Variants in CDC42BPB observed in about 807,000 individuals in gnomAD.
CDC42BPB encodes the protein CDC42 binding protein kinase beta, also known as serine/threonine-protein kinase MRCK beta.
In CDC42BPB, 37 loss-of-function variants were observed where a neutral mutation model predicts 214.9. The ratio of observed to expected loss-of-function variants is 0.17; its 90% confidence interval spans 0.13 to 0.23. The LOEUF (loss-of-function observed/expected upper bound fraction) is 0.23. Ranked by LOEUF, CDC42BPB falls within the 10% of genes least tolerant of loss-of-function variation. The probability of loss-of-function intolerance (pLI) is 1.00; values close to 1 mark genes in which losing one functional copy is unlikely to be tolerated. For synonymous variants in CDC42BPB, 931 were observed against 884.0 expected, an observed-to-expected ratio of 1.05 and a Z score of -0.94; for missense variants, 1,694 against 2,227.0, an observed-to-expected ratio of 0.76 and a Z score of 4.82.
chr14:102,973,684 T>C (rs2139482662), intron 12 of CDC42BPB, among the ~76,000 whole-genome samples: 1 of 151,502 alleles, frequency 6.6e-6, no homozygotes, highest in East Asian at 1.9e-4. Flanking sequence ...ATCGACATCT[T>C]TCCTCGCTTT....
At chr14:103,011,116 G>A (rs1886133492) in intron 2 of CDC42BPB, among the ~76,000 whole-genome samples, 1 of 152,286 alleles carries the variant, frequency 6.6e-6, no homozygotes, top group African/African-American at 2.4e-5. Context: ...GAGGGAGCCT[G>A]ACCTCTCCCT....
rs745761295 is a variant in CDC42BPB, at chr14:102,938,261, C to T, written c.4933+45G>A. 12 of 1,596,942 alleles carry T rather than the reference C, an allele frequency of 7.5e-6. No individual in the cohort carries two copies. The South Asian group carries it at 9.1e-5, about 12-fold the overall frequency. ...GGTCTCCCCATTCCAGCACCCCCTACCCCCCACCTCCCCCAGGGCTGCGGG... is the reference window on the plus strand; with the variant it reads ...GGTCTCCCCATTCCAGCACCCCCTATCCCCCACCTCCCCCAGGGCTGCGGG... On this transcript the variant is annotated intron_variant, in intron 35 of 36. Coordinates refer to ENST00000361246, the MANE Select transcript of CDC42BPB (RefSeq NM_006035.4).
At chr14:102,976,209 A>C in intron 9 of CDC42BPB, 160 bp from the exon 10 acceptor site, 1 of 985,462 alleles carries the variant, frequency 1.0e-6, no homozygotes, top group Non-Finnish European at 1.2e-6. Flanking sequence ...TAGACAAGTG[A>C]CCAGATGGTC....
intron 1 of CDC42BPB, among the ~76,000 whole-genome samples, chr14:103,018,316 GTTC>G (rs972893809): frequency 2.0e-4 from 31 of 152,182 alleles, no homozygotes; most frequent in African/African-American, 4.1e-4. Flanking sequence ...GGGGAGGAGA[GTTC>G]TTCTGTTATT....
At chr14:102,966,725 G>T (rs989621080) in intron 17 of CDC42BPB, among the ~76,000 whole-genome samples, 1 of 152,162 alleles carries the variant, frequency 6.6e-6, no homozygotes, top group Admixed American at 6.5e-5. Flanking sequence ...GGAGGGCCAG[G>T]TCCCAGCTCG....
Position 102,983,739 on chromosome 14 carries a change from G to A in CDC42BPB, c.708C>T (p.Ala236=), listed in dbSNP as rs773143680. The A allele has an allele frequency of 2.0e-5, 32 of 1,612,944 alleles. No homozygotes were observed. The Admixed American group carries it at 2.0e-4, about 10-fold the overall frequency. Residue 236 remains alanine, a synonymous_variant, in exon 7 of 37, where the codon GCC becomes GCT. Coordinates refer to ENST00000361246, the MANE Select transcript of CDC42BPB (RefSeq NM_006035.4). ...GCGAGATGTAGTCAGGTGTGCCCAC[G>A]GCCACGGAGGACTGCACCTTAGGGG... ...NDDGTVQSSV[A]VGTPDYISPE... is the part of the protein sequence containing the mutation.
intron 11 of CDC42BPB, among the ~76,000 whole-genome samples, 162 bp downstream of exon 11, chr14:102,975,522 T>TA (rs943264978): frequency 1.5e-4 from 23 of 151,086 alleles, no homozygotes; most frequent in Non-Finnish European, 2.2e-4. Context: ...AAACTCCGTC[T>TA]AAAAAAAAAC....
chr14:103,050,887 CTCCAA>C (rs1888568089), intron 1 of CDC42BPB, among the ~76,000 whole-genome samples: 2 of 152,286 alleles, frequency 1.3e-5, no homozygotes, highest in African/African-American at 4.8e-5. Context: ...TCCAAAGACT[CTCCAA>C]TCCAAGGACC....
chr14:103,015,430 T>C (rs1886401326), intron 1 of CDC42BPB, among the ~76,000 whole-genome samples: 1 of 151,630 alleles, frequency 6.6e-6, no homozygotes, highest in Non-Finnish European at 1.5e-5. Flanking sequence ...GAGGCTGCAG[T>C]GAGCCAAGAT....
At chr14:102,956,779 T>C (rs1194763027) in intron 21 of CDC42BPB, among the ~76,000 whole-genome samples, 1 of 152,034 alleles carries the variant, frequency 6.6e-6, no homozygotes, top group Non-Finnish European at 1.5e-5. Flanking sequence ...CAGTGAGCTA[T>C]GATGGTGGCA....
At chr14:102,987,538 G>A (rs546397377) in intron 5 of CDC42BPB, among the ~76,000 whole-genome samples, 23 of 152,132 alleles carry the variant, frequency 1.5e-4, no homozygotes, top group African/African-American at 5.3e-4. Context: ...GGCTATACTC[G>A]TGTGATAGAC....
Position 102,933,760 on chromosome 14 carries a change from C to G in CDC42BPB, c.5088G>C (p.Arg1696Ser). The G allele has an allele frequency of 6.7e-7, 1 of 1,499,166 alleles. No individual in the cohort carries two copies. Among genetic ancestry groups the G allele is most frequent in the Non-Finnish European group, 8.8e-7 (1 of 1,138,842 alleles). 92.9% of individuals were successfully genotyped at this position (1,499,166 alleles called of 1,614,324 possible). The change falls in exon 37 of 37, where the codon AGG becomes AGC. Residue 1696 changes from arginine to serine, a missense_variant. Transcript: ENST00000361246. ...CCAGGCCTTCGAGGGGGAGCTGGCTCCTGTGGGGGGAGTTGGGGCTCGGTG... is the reference window on the plus strand; with the variant it reads ...CCAGGCCTTCGAGGGGGAGCTGGCTGCTGTGGGGGGAGTTGGGGCTCGGTG... ...SGPPSPNSPH[R>S]SQLPLEGLEQ...
intron 1 of CDC42BPB, among the ~76,000 whole-genome samples, chr14:103,039,101 T>G (rs911870044): frequency 1.3e-5 from 2 of 151,202 alleles, no homozygotes; most frequent in African/African-American, 4.9e-5. Flanking sequence ...TGTTAATAGA[T>G]CTACAACAGG....
At chr14:103,025,442 C>T (rs943420586) in intron 1 of CDC42BPB, among the ~76,000 whole-genome samples, 13 of 151,498 alleles carry the variant, frequency 8.6e-5, no homozygotes, top group African/African-American at 1.2e-4. Flanking sequence ...CTGTAAACTA[C>T]CCAAATGTCC....
intron 23 of CDC42BPB, among the ~76,000 whole-genome samples, chr14:102,953,085 T>C (rs900962704): frequency 1.3e-5 from 2 of 152,022 alleles, no homozygotes; most frequent in Non-Finnish European, 2.9e-5. Flanking sequence ...TCATCAGGAG[T>C]GGACACATTG....
intron 9 of CDC42BPB, among the ~76,000 whole-genome samples, chr14:102,977,285 G>T (rs1471978320): frequency 1.4e-5 from 2 of 144,760 alleles, no homozygotes; most frequent in African/African-American, 5.1e-5. Flanking sequence ...GTTGCAGTAA[G>T]CTGAGATCGT....
intron 1 of CDC42BPB, among the ~76,000 whole-genome samples, chr14:103,043,201 G>A (rs953835057): frequency 1.3e-5 from 2 of 152,236 alleles, no homozygotes; most frequent in Middle Eastern, 3.4e-3. Context: ...CCAAGATCAC[G>A]CCACTGCACT....
At chr14:102,968,157 A>T (rs961647420) in intron 16 of CDC42BPB, 96 bp downstream of exon 16, 10 of 800,086 alleles carry the variant, frequency 1.2e-5, no homozygotes, top group African/African-American at 8.7e-5. Context: ...CCATAAATAT[A>T]TATACCTACT....
chr14:102,934,045 T>C (rs931115416), intron 36 of CDC42BPB: 1 of 1,340,054 alleles, frequency 7.5e-7, no homozygotes, highest in Admixed American at 4.2e-5. Context: ...TGATGTCTAA[T>C]CCCACTCAAA....
Sources: allele counts gnomAD v4.1 joint callset (sites outside exome capture counted in the v4.1 genomes callset), GRCh38; gene constraint gnomAD v4.1.1; transcripts MANE v1.5; gene names NCBI Gene and HGNC (gene_info 2026-07-23, HGNC 2026-07-21).